Variants in SPIDR observed in about 807,000 individuals in gnomAD.
The protein encoded by SPIDR is DNA repair-scaffolding protein.
SPIDR carries 93 observed loss-of-function variants against 104.6 expected under a neutral mutation model. The observed-to-expected ratio is 0.89, with a 90% CI of 0.75 to 1.06. The LOEUF is 1.06. SPIDR is among the 50% of genes least tolerant of loss of function. The pLI is 0.00. For synonymous variants in SPIDR, 431 were observed against 416.9 expected (o/e 1.03, Z -0.41); for missense variants, 1,154 against 1,111.2 (o/e 1.04, Z -0.55).
intron 8 of SPIDR, among the ~76,000 whole-genome samples, chr8:47,555,674 A>G (rs1410407143): frequency 6.6e-6 from 1 of 152,108 alleles, no homozygotes; most frequent in Non-Finnish European, 1.5e-5. Flanking sequence ...GCACTGTATG[A>G]TGTGGCTTCT....
At chr8:47,514,456 C>T (rs542376591) in intron 8 of SPIDR, among the ~76,000 whole-genome samples, 3 of 152,244 alleles carry the variant, frequency 2.0e-5, no homozygotes, top group South Asian at 4.1e-4. Context: ...GGGAGGGAGG[C>T]GCTGGGAGCC....
chr8:47,472,441 G>A (rs568430007), intron 8 of SPIDR, among the ~76,000 whole-genome samples: 2 of 152,334 alleles, frequency 1.3e-5, no homozygotes, highest in South Asian at 4.1e-4. Context: ...AGTGTTCTGG[G>A]TTAAGGGGCC....
At chr8:47,624,766 G>C (rs932991103) in intron 10 of SPIDR, among the ~76,000 whole-genome samples, 1 of 152,092 alleles carries the variant, frequency 6.6e-6, no homozygotes, top group African/African-American at 2.4e-5. Context: ...ACCAAAAAAA[G>C]TCCAGGACCA....
chr8:47,422,658 A>C (rs536275158), intron 7 of SPIDR, among the ~76,000 whole-genome samples: 1 of 152,322 alleles, frequency 6.6e-6, no homozygotes, highest in South Asian at 2.1e-4. Flanking sequence ...TGAACCCGGT[A>C]CCTCAGTTGG....
At chr8:47,438,349 T>A (rs572289167) in intron 7 of SPIDR, among the ~76,000 whole-genome samples, 1 of 152,240 alleles carries the variant, frequency 6.6e-6, no homozygotes, top group African/African-American at 2.4e-5. Flanking sequence ...TGTCTCAAAA[T>A]GCTCCTGTGG....
chr8:47,312,616 A>G (rs587730044), intron 5 of SPIDR, among the ~76,000 whole-genome samples: 18 of 152,222 alleles, frequency 1.2e-4, no homozygotes, highest in African/African-American at 4.3e-4. Context: ...GATTCTGGAT[A>G]TTAGCCCTTT....
At chr8:47,344,454 C>T (rs2051447975) in intron 5 of SPIDR, among the ~76,000 whole-genome samples, 2 of 152,170 alleles carry the variant, frequency 1.3e-5, no homozygotes, top group Admixed American at 1.3e-4. Context: ...TTTATAATAG[C>T]ATGATTTATA....
chr8:47,338,438 C>A (rs1257229660), intron 5 of SPIDR, among the ~76,000 whole-genome samples: 3 of 152,084 alleles, frequency 2.0e-5, no homozygotes, highest in African/African-American at 7.2e-5. Flanking sequence ...ATGATTGAAC[C>A]AGCATTAAAT....
At chr8:47,400,735 A>G (rs77119043) in intron 6 of SPIDR, among the ~76,000 whole-genome samples, 1,619 of 150,958 alleles carry the variant, frequency 0.011, 17 homozygotes, top group Non-Finnish European at 0.017. Flanking sequence ...ACAAACACCA[A>G]TGCAAAATTG....
intron 5 of SPIDR, among the ~76,000 whole-genome samples, chr8:47,369,312 T>G (rs1490301260): frequency 6.6e-6 from 1 of 152,202 alleles, no homozygotes; most frequent in Non-Finnish European, 1.5e-5. Flanking sequence ...TGGACTAGCT[T>G]TACCCCAAAT....
chr8:47,674,977 A>G (rs1051369013), intron 11 of SPIDR, among the ~76,000 whole-genome samples: 1 of 152,088 alleles, frequency 6.6e-6, no homozygotes, highest in African/African-American at 2.4e-5. Flanking sequence ...ATTGATCTGT[A>G]TAGCTGTGTT....
intron 5 of SPIDR, among the ~76,000 whole-genome samples, chr8:47,392,144 GC>G (rs1382123113): frequency 6.6e-6 from 1 of 152,094 alleles, no homozygotes; most frequent in Non-Finnish European, 1.5e-5. Flanking sequence ...TTTGCTAAAT[GC>G]TTATATGTTA....
intron 15 of SPIDR, 139 bp downstream of exon 15, chr8:47,713,011 G>A (rs2082093793): frequency 2.8e-6 from 4 of 1,443,924 alleles, no homozygotes; most frequent in South Asian, 3.0e-5. Flanking sequence ...CATGGCCCAT[G>A]TACCAGCCTC....
intron 8 of SPIDR, among the ~76,000 whole-genome samples, chr8:47,567,501 G>C (rs1272434499): frequency 6.6e-6 from 1 of 152,090 alleles, no homozygotes; most frequent in Non-Finnish European, 1.5e-5. Flanking sequence ...TTACAGGTGT[G>C]AGCCACCCCG....
intron 11 of SPIDR, 68 bp downstream of exon 11, chr8:47,674,009 C>A: frequency 6.5e-7 from 1 of 1,528,314 alleles, no homozygotes. Flanking sequence ...TCTTTTGTCT[C>A]TAATTTTATT....
At chr8:47,701,185 G>A (rs1166270305) in intron 12 of SPIDR, among the ~76,000 whole-genome samples, 1 of 152,216 alleles carries the variant, frequency 6.6e-6, no homozygotes, top group African/African-American at 2.4e-5. Context: ...TGTAATCCCA[G>A]CACTTGGGAG....
chr8:47,666,667 CACTA>C (rs1200623729), intron 10 of SPIDR, among the ~76,000 whole-genome samples: 1 of 152,118 alleles, frequency 6.6e-6, no homozygotes, highest in East Asian at 1.9e-4. Context: ...CAGGATCTGG[CACTA>C]ACTGACTGCT....
chr8:47,580,356 C>T (rs1182806131), intron 8 of SPIDR, among the ~76,000 whole-genome samples: 2 of 152,188 alleles, frequency 1.3e-5, no homozygotes, highest in Non-Finnish European at 2.9e-5. Context: ...ACCATCCTTC[C>T]CACTGAGCCC....
chr8:47,721,847 G>A (rs2083447453), intron 16 of SPIDR, among the ~76,000 whole-genome samples: 1 of 152,094 alleles, frequency 6.6e-6, no homozygotes, highest in Admixed American at 6.6e-5. Flanking sequence ...CTTCAATATT[G>A]TCTTGGCTAT....
Sources: allele counts gnomAD v4.1 joint callset (sites outside exome capture counted in the v4.1 genomes callset), GRCh38; gene constraint gnomAD v4.1.1; transcripts MANE v1.5; gene names NCBI Gene and HGNC (gene_info 2026-07-23, HGNC 2026-07-21).